The following RAPGEF2 variants were observed in gnomAD, a reference collection of about 807,000 sequenced individuals.
The protein encoded by RAPGEF2 is PDZ domain containing guanine nucleotide exchange factor (GEF) 1.
RAPGEF2 carries 54 observed loss-of-function variants against 186.7 expected under a neutral mutation model. That is an observed-to-expected ratio of 0.29 (90% CI 0.23 to 0.36). The LOEUF (loss-of-function observed/expected upper bound fraction) is 0.36. Ranked by LOEUF, RAPGEF2 falls within the 10% of genes least tolerant of loss-of-function variation. The pLI is 1.00. For missense variants in RAPGEF2, 1,532 were observed against 2,045.0 expected, an observed-to-expected ratio of 0.75 and a Z score of 4.84; for synonymous variants, 712 against 705.9, an observed-to-expected ratio of 1.01 and a Z score of -0.14.
At chr4:159,230,076 A>G (rs1752468871) in intron 4 of RAPGEF2, among the ~76,000 whole-genome samples, 1 of 152,170 alleles carries the variant, frequency 6.6e-6, no homozygotes, top group Non-Finnish European at 1.5e-5. Context: ...ATACAGAACA[A>G]TTTAGAAGGG....
rs181825334 is a variant in RAPGEF2 at position 159,191,536 on chromosome 4, C to G, written c.141-1664C>G. ...TGGACGGATCACGAGGTCACAAGATCGAGACCATACTGGCCAACATGAGGA... is the reference window on the plus strand; with the variant it reads ...TGGACGGATCACGAGGTCACAAGATGGAGACCATACTGGCCAACATGAGGA... On this transcript the variant is annotated intron_variant, in intron 2 of 29. Transcript: ENST00000691494. Among the ~76,000 whole-genome samples the G allele has an allele frequency of 5.3e-5, 8 of 152,202 alleles. No homozygotes were observed. In the East Asian group the frequency reaches 1.5e-3, roughly 29 times the overall value.
chr4:159,252,274 T>A (rs1755544597), intron 7 of RAPGEF2, among the ~76,000 whole-genome samples: 1 of 152,228 alleles, frequency 6.6e-6, no homozygotes, highest in Admixed American at 6.5e-5. Context: ...GAGTTTGAAC[T>A]CCTGAGCTCA....
At chr4:159,328,125 G>A (rs1362986044) in intron 11 of RAPGEF2, 2 of 151,984 alleles carry the variant, frequency 1.3e-5, no homozygotes, top group African/African-American at 2.4e-5. Flanking sequence ...GCACAAGAAA[G>A]AACACCTAGA....
intron 1 of RAPGEF2, among the ~76,000 whole-genome samples, chr4:159,160,598 G>A (rs570804993): frequency 1.6e-4 from 24 of 152,306 alleles, no homozygotes; most frequent in African/African-American, 4.6e-4. Flanking sequence ...CATTGCCTGC[G>A]CACAGAGCTT....
chr4:159,326,345 C>CT (rs1765919295), intron 11 of RAPGEF2, among the ~76,000 whole-genome samples: 1 of 152,212 alleles, frequency 6.6e-6, no homozygotes, highest in Non-Finnish European at 1.5e-5. Context: ...TATCATTTTA[C>CT]TGACCATATT....
intron 1 of RAPGEF2, among the ~76,000 whole-genome samples, chr4:159,179,260 G>A (rs1283620218): frequency 6.6e-6 from 1 of 152,028 alleles, no homozygotes; most frequent in African/African-American, 2.4e-5. Flanking sequence ...CATTTGTCTT[G>A]GGAAGTGCAG....
chr4:159,296,208 G>A (rs75205539), intron 7 of RAPGEF2, among the ~76,000 whole-genome samples: 3 of 152,158 alleles, frequency 2.0e-5, no homozygotes, highest in African/African-American at 7.2e-5. Flanking sequence ...ATACAGCACT[G>A]TGTCATTTAT....
At chr4:159,292,289 G>A (rs568262734) in intron 7 of RAPGEF2, among the ~76,000 whole-genome samples, 4 of 152,132 alleles carry the variant, frequency 2.6e-5, no homozygotes, top group South Asian at 2.1e-4. Context: ...ACATGCGAAC[G>A]CCACCCTACC....
chr4:159,303,693 A>G (rs1462581264), intron 7 of RAPGEF2, among the ~76,000 whole-genome samples: 1 of 151,946 alleles, frequency 6.6e-6, no homozygotes, highest in Non-Finnish European at 1.5e-5. Flanking sequence ...CAGAACACGT[A>G]AGGGATACTT....
intron 3 of RAPGEF2, among the ~76,000 whole-genome samples, chr4:159,200,675 T>TCA (rs1749306827): frequency 6.6e-6 from 1 of 152,208 alleles, no homozygotes; most frequent in Non-Finnish European, 1.5e-5. Context: ...TCTTACTGAC[T>TCA]TTTCCTGTTT....
chr4:159,241,139 A>G, intron 5 of RAPGEF2, 62 bp from the exon 6 acceptor site: 1 of 1,272,922 alleles, frequency 7.9e-7, no homozygotes, highest in Non-Finnish European at 1.0e-6. Flanking sequence ...TTCTTTCTGT[A>G]TCTAATATTA....
At chr4:159,284,888 CA>C (rs997747697) in intron 7 of RAPGEF2, among the ~76,000 whole-genome samples, 1 of 151,914 alleles carries the variant, frequency 6.6e-6, no homozygotes, top group Admixed American at 6.6e-5. Context: ...TTTGTCTCTA[CA>C]AAAAAACTGA....
rs1731956315 is a variant in RAPGEF2 at position 159,356,061 on chromosome 4, C to T, written c.4860C>T (p.Ser1620=). Residue 1620 remains serine (S), a synonymous_variant, in exon 29 of 30, where the codon AGC becomes AGT. Transcript: ENST00000691494. ...SVQQPHGHPT[S]SRPVNKPQWH... ...AGCAGCCACATGGGCATCCCACCAG[C>T]AGCAGGCCTGTGAACAAACCTCAGT... 1.9e-6 allele frequency: 3 copies of T among 1,614,210 alleles called. No individual in the cohort carries two copies. Among genetic ancestry groups the T allele is most frequent in the Non-Finnish European group, 2.5e-6 (3 of 1,180,046 alleles).
chr4:159,267,200 C>T (rs902158854), intron 7 of RAPGEF2: 10 of 1,288,120 alleles, frequency 7.8e-6, no homozygotes, highest in African/African-American at 3.0e-5. Flanking sequence ...GCAGCAATGC[C>T]GTTTGTTTCC....
chr4:159,195,760 C>T (rs1428406103), intron 3 of RAPGEF2, among the ~76,000 whole-genome samples: 1 of 152,026 alleles, frequency 6.6e-6, no homozygotes, highest in African/African-American at 2.4e-5. Context: ...AACCTGTTCT[C>T]CTAAAGTGGC....
At chr4:159,337,640 A>T (rs1767612984) in intron 17 of RAPGEF2, among the ~76,000 whole-genome samples, 1 of 152,066 alleles carries the variant, frequency 6.6e-6, no homozygotes, top group Non-Finnish European at 1.5e-5. Flanking sequence ...CTGTAATCCT[A>T]GCACTTTGGG....
Position 159,222,627 on chromosome 4 carries a change from C to T in RAPGEF2, c.281+12044C>T, listed in dbSNP as rs1447899325. Reference sequence around the variant, plus strand: ...GTGCTAAGGAACTCATAACTCTTGTCTGTGCCCCGGTTGTTTTTGGAGAAG... The same window carrying T: ...GTGCTAAGGAACTCATAACTCTTGTTTGTGCCCCGGTTGTTTTTGGAGAAG... On this transcript the variant is annotated intron_variant, in intron 4 of 29. Transcript: ENST00000691494. 2.6e-5 allele frequency among the ~76,000 whole-genome samples: 4 copies of T among 152,168 alleles called. No homozygotes were observed. The East Asian group carries it at 5.8e-4, about 22-fold the overall frequency.
chr4:159,156,428 T>C (rs1179269936), intron 1 of RAPGEF2, among the ~76,000 whole-genome samples: 1 of 152,212 alleles, frequency 6.6e-6, no homozygotes, highest in Non-Finnish European at 1.5e-5. Flanking sequence ...TGAATTCTTT[T>C]CTATAAATTA....
intron 1 of RAPGEF2, among the ~76,000 whole-genome samples, chr4:159,107,356 C>G (rs115395579): frequency 1.2e-3 from 178 of 152,172 alleles, no homozygotes; most frequent in African/African-American, 4.1e-3. Flanking sequence ...CAGCTTTTAT[C>G]CCCCAAGGCT....
Sources: allele counts gnomAD v4.1 joint callset (sites outside exome capture counted in the v4.1 genomes callset), GRCh38; gene constraint gnomAD v4.1.1; transcripts MANE v1.5; gene names NCBI Gene and HGNC (gene_info 2026-07-23, HGNC 2026-07-21).